SCHIP1: variants seen among roughly 807,000 people sequenced by gnomAD.
SCHIP1 encodes schwannomin interacting protein 1.
SCHIP1 carries 8 observed loss-of-function variants against 29.7 expected under a neutral mutation model. The observed-to-expected ratio is 0.27, with a 90% CI of 0.16 to 0.49. The LOEUF (loss-of-function observed/expected upper bound fraction) is 0.49, where lower values mean the gene tolerates loss of function less well. Among genes scored for constraint, SCHIP1 ranks in the 20% least tolerant of loss-of-function variants. The probability of loss-of-function intolerance (pLI) is 0.99; values close to 1 mark genes in which losing one functional copy is unlikely to be tolerated. For missense variants in SCHIP1, 193 were observed against 294.6 expected (o/e 0.66, Z 2.52); for synonymous variants, 76 against 94.9 (o/e 0.80, Z 1.16).
At chr3:159,299,301 C>G in the SCHIP1 span, among the ~76,000 whole-genome samples, 1 of 152,168 alleles carries the variant, frequency 6.6e-6, no homozygotes, top group Admixed American at 6.5e-5. Flanking sequence ...TTATCTCTAA[C>G]AGTCTGAGCT....
At chr3:159,812,160 G>A in the SCHIP1 span, among the ~76,000 whole-genome samples, 5 of 151,698 alleles carry the variant, frequency 3.3e-5, no homozygotes, top group South Asian at 2.1e-4. Context: ...TAGTAGAGAC[G>A]GGGTTTCACC....
the SCHIP1 span, among the ~76,000 whole-genome samples, chr3:159,641,741 G>A: frequency 6.6e-6 from 1 of 152,086 alleles, no homozygotes. Flanking sequence ...ATACTCAAAG[G>A]CCCACTCTTC....
chr3:159,284,520 A>C, the SCHIP1 span, among the ~76,000 whole-genome samples: 6 of 152,098 alleles, frequency 3.9e-5, no homozygotes, highest in Admixed American at 3.9e-4. Context: ...ATGGAGTCTC[A>C]CTCTGTTACT....
the SCHIP1 span, among the ~76,000 whole-genome samples, chr3:159,798,203 C>G: frequency 1.3e-5 from 2 of 152,182 alleles, no homozygotes; most frequent in East Asian, 3.9e-4. Flanking sequence ...GCTGGCTTTG[C>G]GGAATAAGAG....
chr3:159,298,818 T>A, the SCHIP1 span, among the ~76,000 whole-genome samples: 3 of 152,200 alleles, frequency 2.0e-5, no homozygotes, highest in Non-Finnish European at 2.9e-5. Flanking sequence ...AAAAATCAAA[T>A]TTTTTAAAAT....
chr3:159,597,212 T>C, the SCHIP1 span, among the ~76,000 whole-genome samples: 1 of 152,216 alleles, frequency 6.6e-6, no homozygotes, highest in South Asian at 2.1e-4. Context: ...ATAAACTAAT[T>C]ATATAGATAT....
chr3:159,485,760 A>C, the SCHIP1 span, among the ~76,000 whole-genome samples: 8 of 152,204 alleles, frequency 5.3e-5, no homozygotes, highest in Admixed American at 1.3e-4. Flanking sequence ...TTTAATTTCT[A>C]TAAAGTTCCT....
chr3:159,723,013 T>C, the SCHIP1 span, among the ~76,000 whole-genome samples: 40 of 152,324 alleles, frequency 2.6e-4, no homozygotes, highest in African/African-American at 9.4e-4. Context: ...CTGCTGTGGC[T>C]GCTGAGCAGA....
At chr3:159,662,158 C>T in the SCHIP1 span, among the ~76,000 whole-genome samples, 1 of 152,082 alleles carries the variant, frequency 6.6e-6, no homozygotes, top group Non-Finnish European at 1.5e-5. Context: ...CTGGCTCATA[C>T]CCCCGGCACT....
At chr3:159,592,965 T>C in the SCHIP1 span, among the ~76,000 whole-genome samples, 2 of 152,310 alleles carry the variant, frequency 1.3e-5, no homozygotes, top group Admixed American at 6.5e-5. Flanking sequence ...GCATCTGTTA[T>C]GCAGAAAGCT....
At chr3:159,441,870 A>ATTG in the SCHIP1 span, among the ~76,000 whole-genome samples, 1 of 151,756 alleles carries the variant, frequency 6.6e-6, no homozygotes, top group Admixed American at 6.6e-5. Context: ...TATTATTATT[A>ATTG]TTATTATTTA....
chr3:159,595,281 C>A, the SCHIP1 span, among the ~76,000 whole-genome samples: 10 of 152,238 alleles, frequency 6.6e-5, no homozygotes, highest in African/African-American at 2.4e-4. Context: ...GGAATTGGAG[C>A]AGGAGGGCCT....
the SCHIP1 span, among the ~76,000 whole-genome samples, chr3:159,577,594 G>A: frequency 6.6e-6 from 1 of 152,114 alleles, no homozygotes; most frequent in Admixed American, 6.5e-5. Flanking sequence ...CAGATTTCCC[G>A]TGGACTACCT....
At chr3:159,823,654 C>T in the SCHIP1 span, among the ~76,000 whole-genome samples, 5 of 152,112 alleles carry the variant, frequency 3.3e-5, no homozygotes, top group Non-Finnish European at 7.3e-5. Context: ...TGCCAAAAGT[C>T]GAAGATGCCT....
At chr3:159,792,059 GA>G in the SCHIP1 span, among the ~76,000 whole-genome samples, 1 of 151,800 alleles carries the variant, frequency 6.6e-6, no homozygotes, top group African/African-American at 2.4e-5. Flanking sequence ...CTTGGGCCTA[GA>G]AAAAAAATGA....
the SCHIP1 span, among the ~76,000 whole-genome samples, chr3:159,528,526 T>A: frequency 6.6e-6 from 1 of 152,320 alleles, no homozygotes; most frequent in Admixed American, 6.5e-5. Context: ...TCTCATGTAG[T>A]CACTCCTGGC....
At chr3:159,450,368 G>A in the SCHIP1 span, among the ~76,000 whole-genome samples, 1 of 152,182 alleles carries the variant, frequency 6.6e-6, no homozygotes, top group East Asian at 1.9e-4. Flanking sequence ...CTTTGGAATT[G>A]CGTGTTACAT....
the SCHIP1 span, among the ~76,000 whole-genome samples, chr3:159,828,414 TATAC>T: frequency 1.1e-5 from 1 of 93,370 alleles, no homozygotes; most frequent in African/African-American, 3.2e-5. Context: ...TATACGTATA[TATAC>T]GTATATATAT....
At chr3:159,324,796 A>T in the SCHIP1 span, among the ~76,000 whole-genome samples, 2 of 152,162 alleles carry the variant, frequency 1.3e-5, no homozygotes, top group African/African-American at 2.4e-5. Flanking sequence ...CTGGAATTCT[A>T]ATCCATTTTT....
Sources: gnomAD v4.1 joint callset for allele counts (sites outside exome capture counted in the v4.1 genomes callset) on GRCh38, gnomAD v4.1.1 for gene constraint, MANE v1.5 for transcripts, NCBI Gene and HGNC (gene_info 2026-07-23, HGNC 2026-07-21) for gene names.